NUP153: variants seen among roughly 807,000 people sequenced by gnomAD.
NUP153 encodes nuclear pore complex protein Nup153.
A neutral mutation model predicts 134.6 loss-of-function variants in NUP153; 27 were observed. The observed-to-expected ratio is 0.20, with a 90% CI of 0.15 to 0.28. NUP153 has a LOEUF of 0.28. Among genes scored for constraint, NUP153 ranks in the 10% least tolerant of loss-of-function variants. The probability of loss-of-function intolerance (pLI) is 1.00; values close to 1 mark genes in which losing one functional copy is unlikely to be tolerated. For missense variants in NUP153, 1,821 were observed against 1,731.3 expected, an observed-to-expected ratio of 1.05 and a Z score of -0.92; for synonymous variants, 640 against 623.5, an observed-to-expected ratio of 1.03 and a Z score of -0.40.
chr6:17,629,524 G>C lies in NUP153; in HGVS notation c.2675C>G (p.Ser892Cys). 1 of 1,595,414 alleles carries C rather than the reference G, an allele frequency of 6.3e-7. No homozygotes were observed. Among genetic ancestry groups the C allele is most frequent in the South Asian group, 1.1e-5 (1 of 87,628 alleles). The change falls in exon 18 of 22, where the codon TCC becomes TGC. Residue 892 changes from serine to cysteine, a missense_variant. Physicochemically the swap from Ser to Cys is moderately radical, Grantham distance 112. Transcript: ENST00000262077. Reference sequence around the variant, plus strand: ...GGAGGCTGCTGAGTTCGAAGATGAGGAAGATGTGTCAAAGCCTACAAAAAT... The same window carrying C: ...GGAGGCTGCTGAGTTCGAAGATGAGCAAGATGTGTCAAAGCCTACAAAAAT... ...KSGFKGFDTS[S>C]SSSNSAASSS...
chr6:17,675,725 G>A lies in NUP153; in HGVS notation c.380C>T (p.Thr127Ile). 1 of 1,613,808 alleles carries A rather than the reference G, an allele frequency of 6.2e-7. No homozygotes were observed. The highest frequency in any genetic ancestry group is 8.5e-7 in the Non-Finnish European group (1 of 1,179,694). ...STASNYPDVL[T>I]RPSLHRSHLN... ...ATGGCTCCGATGAAGAGAAGGCCTT[G>A]TTAACACATCTGGATAATTTGAAGC... Residue 127 changes from threonine to isoleucine, a missense_variant, in exon 3 of 22, where the codon ACA becomes ATA. Transcript: ENST00000262077. The surrounding 1 kb of genome is among the most constrained non-coding windows in gnomAD (Gnocchi z 4.4).
chr6:17,618,058 T>C (rs904116711), intron 20 of NUP153, among the ~76,000 whole-genome samples: 2 of 152,040 alleles, frequency 1.3e-5, no homozygotes, highest in Non-Finnish European at 2.9e-5. Context: ...CAATCTTAGC[T>C]CCCAGAACAC....
At chr6:17,669,682 G>C (rs1408474705) in intron 5 of NUP153, 136 bp from the exon 6 acceptor site, 3 of 643,694 alleles carry the variant, frequency 4.7e-6, no homozygotes, top group African/African-American at 1.8e-5. Flanking sequence ...ATTTATCTTT[G>C]GGTGGTATCA....
At chr6:17,661,061 T>C (rs1767145907) in intron 11 of NUP153, among the ~76,000 whole-genome samples, 2 of 152,098 alleles carry the variant, frequency 1.3e-5, no homozygotes, top group East Asian at 3.9e-4. Context: ...TCGCCTGTAA[T>C]CCCAGCACTT....
intron 17 of NUP153, 65 bp from the exon 18 acceptor site, chr6:17,629,604 A>G (rs1765128348): frequency 7.0e-7 from 1 of 1,435,212 alleles, no homozygotes; most frequent in African/African-American, 1.4e-5. Flanking sequence ...CAAAATGTAA[A>G]CACTGTGAAA....
At chr6:17,701,286 T>C (rs531154459) in intron 1 of NUP153, among the ~76,000 whole-genome samples, 45 of 151,074 alleles carry the variant, frequency 3.0e-4, no homozygotes, top group African/African-American at 9.7e-4. Flanking sequence ...TCCCAGCACT[T>C]TGAGAGGCCG....
intron 2 of NUP153, 115 bp downstream of exon 2, chr6:17,688,281 C>T (rs1042926433): frequency 1.4e-6 from 1 of 690,570 alleles, no homozygotes; most frequent in Non-Finnish European, 2.5e-6. Flanking sequence ...GATTATCATC[C>T]TCTTCCCATA....
chr6:17,676,815 T>C (rs987153681), intron 2 of NUP153, among the ~76,000 whole-genome samples: 2 of 152,150 alleles, frequency 1.3e-5, no homozygotes, highest in Non-Finnish European at 2.9e-5. Flanking sequence ...TTTAGGACAC[T>C]GCAGAGTAGG....
At chr6:17,669,269 A>G (rs539776417) in intron 7 of NUP153, 24 bp downstream of exon 7, 19 of 1,592,638 alleles carry the variant, frequency 1.2e-5, no homozygotes, top group Non-Finnish European at 1.5e-5. Context: ...AATATTTTGT[A>G]AAAAGGTTTA....
At chr6:17,624,411 T>C in intron 20 of NUP153, 150 bp downstream of exon 20, 1 of 675,890 alleles carries the variant, frequency 1.5e-6, no homozygotes, top group East Asian at 2.7e-5. Flanking sequence ...ATGTTGTTTA[T>C]ATATAAATCC....
At chr6:17,703,869 A>G (rs1219037939) in intron 1 of NUP153, among the ~76,000 whole-genome samples, 1 of 152,236 alleles carries the variant, frequency 6.6e-6, no homozygotes, top group Non-Finnish European at 1.5e-5. Context: ...ATGATAAATT[A>G]TCAAGATTTA....
chr6:17,667,572 G>C (rs1191531662), intron 8 of NUP153, among the ~76,000 whole-genome samples: 1 of 152,126 alleles, frequency 6.6e-6, no homozygotes, highest in East Asian at 1.9e-4. Context: ...AAATCGGCCA[G>C]GCATGGTGAT....
In NUP153 at chr6:17,675,640, T is replaced by C. The variant is rs778864149; in HGVS notation, c.465A>G (p.Ala155=). The C allele has an allele frequency of 8.1e-5, 131 of 1,614,076 alleles. No individual in the cohort carries two copies. The highest frequency in any genetic ancestry group is 7.0e-5 in the Non-Finnish European group (83 of 1,180,052). Residue 155 remains alanine, a synonymous_variant, in exon 3 of 22, where the codon GCA becomes GCG. Transcript: ENST00000262077. The surrounding 1 kb of genome is among the most constrained non-coding windows in gnomAD (Gnocchi z 4.4). ...AAAATCCCGAACTGCCAATTGGGAATGCCGAGGATGTAGATGGCTGACAGT... is the reference window on the plus strand; with the variant it reads ...AAAATCCCGAACTGCCAATTGGGAACGCCGAGGATGTAGATGGCTGACAGT... ...ALHCQPSTSS[A]FPIGSSGFSL...
chr6:17,693,149 C>A (rs1015648525), intron 1 of NUP153, among the ~76,000 whole-genome samples: 1 of 149,944 alleles, frequency 6.7e-6, no homozygotes, highest in East Asian at 2.0e-4. Flanking sequence ...TAAAGTTTTT[C>A]TTTACTCACT....
intron 1 of NUP153, among the ~76,000 whole-genome samples, chr6:17,688,903 T>G (rs1236459499): frequency 6.6e-6 from 1 of 152,174 alleles, no homozygotes; most frequent in Non-Finnish European, 1.5e-5. Context: ...CAATGTCGAT[T>G]TTAGATTTAT....
At position 17,688,399 on chromosome 6, in the gene NUP153, C is replaced by T. The variant is rs775991735; in HGVS notation, c.331G>A (p.Glu111Lys). Residue 111 changes from glutamate (E) to lysine (K), a missense_variant, in exon 2 of 22, where the codon GAA becomes AAA. Physicochemically the swap from Glu to Lys is moderately conservative, Grantham distance 56 (BLOSUM62 1). Coordinates refer to ENST00000262077, the MANE Select transcript of NUP153 (RefSeq NM_005124.4). Reference sequence around the variant, plus strand: ...AAAATATTCACATTTTACTTACCTTCTGTATTACTGACTGCTGGCTCAGGT... The same window carrying T: ...AAAATATTCACATTTTACTTACCTTTTGTATTACTGACTGCTGGCTCAGGT... ...ITPEPAVSNT[E>K]EPSTTSTASN... 1.9e-6 allele frequency: 3 copies of T among 1,611,164 alleles called. No homozygotes were observed. Among genetic ancestry groups the T allele is most frequent in the Non-Finnish European group, 2.5e-6 (3 of 1,177,350 alleles).
intron 5 of NUP153, among the ~76,000 whole-genome samples, chr6:17,672,222 A>G (rs1767960069): frequency 1.4e-5 from 2 of 141,922 alleles, no homozygotes; most frequent in Non-Finnish European, 3.1e-5. Flanking sequence ...ACACAGATCA[A>G]TGGGTGGGTC....
In NUP153 at chr6:17,616,560, G is replaced by C. The variant is rs199739841; in HGVS notation, c.4310C>G (p.Pro1437Arg). 3.7e-6 allele frequency: 6 copies of C among 1,613,638 alleles called. No individual in the cohort carries two copies. The East Asian group carries it at 8.9e-5, about 24-fold the overall frequency. ...AAATGCTGCTGGAGACTGGTTAAAT[G>C]GAAAGCCCCCCGAGCCTGAAGGCTG... ...SAQPSGSGGF[P>R]FNQSPAAFTV... Residue 1437 changes from proline to arginine, a missense_variant, in exon 21 of 22, where the codon CCA becomes CGA. Physicochemically the swap from Pro to Arg is moderately radical, Grantham distance 103 (BLOSUM62 -2). Coordinates refer to ENST00000262077, the MANE Select transcript of NUP153 (RefSeq NM_005124.4).
At chr6:17,694,707 G>A (rs547777369) in intron 1 of NUP153, among the ~76,000 whole-genome samples, 2 of 151,392 alleles carry the variant, frequency 1.3e-5, no homozygotes, top group African/African-American at 2.4e-5. Flanking sequence ...CTGGGGCCAC[G>A]GTGGCTTACT....
Sources: gnomAD v4.1 joint callset for allele counts (sites outside exome capture counted in the v4.1 genomes callset) on GRCh38, gnomAD v4.1.1 for gene constraint, Gnocchi (gnomAD v3.1) non-coding constraint, MANE v1.5 for transcripts, NCBI Gene and HGNC (gene_info 2026-07-23, HGNC 2026-07-21) for gene names.